Variants in LCLAT1 observed in about 807,000 individuals in gnomAD.
LCLAT1 encodes the protein 1-AGP acyltransferase 8.
A neutral mutation model predicts 30.7 loss-of-function variants in LCLAT1; 11 were observed. That is an observed-to-expected ratio of 0.36 (90% CI 0.23 to 0.59). The LOEUF (loss-of-function observed/expected upper bound fraction) is 0.59. Among genes scored for constraint, LCLAT1 ranks in the 20% least tolerant of loss-of-function variants. The pLI, the probability that LCLAT1 is intolerant of heterozygous loss-of-function variation, is 0.77. For missense variants in LCLAT1, 402 were observed against 458.6 expected (o/e 0.88, Z 1.13); for synonymous variants, 155 against 151.3 (o/e 1.02, Z -0.18).
At chr2:30,449,581 G>A (rs111759514) in intron 1 of LCLAT1, among the ~76,000 whole-genome samples, 79 of 151,170 alleles carry the variant, frequency 5.2e-4, no homozygotes, top group African/African-American at 1.1e-3. Flanking sequence ...GCTCACCACA[G>A]CCTCTGCCTC....
chr2:30,626,500 A>G (rs982857697), intron 5 of LCLAT1, among the ~76,000 whole-genome samples: 3 of 152,106 alleles, frequency 2.0e-5, no homozygotes, highest in African/African-American at 4.8e-5. Context: ...GCTCTTCTGT[A>G]TTTATGATTT....
chr2:30,528,347 A>T (rs2148388822), intron 2 of LCLAT1, among the ~76,000 whole-genome samples: 1 of 152,366 alleles, frequency 6.6e-6, no homozygotes, highest in Admixed American at 6.5e-5. Flanking sequence ...TGCTAGTAGC[A>T]TTACTATTAC....
chr2:30,533,585 T>G (rs1002976559), intron 3 of LCLAT1, among the ~76,000 whole-genome samples: 5 of 152,240 alleles, frequency 3.3e-5, no homozygotes, highest in Admixed American at 6.5e-5. Context: ...GGATATGAAT[T>G]AATAGTTTAG....
At chr2:30,560,284 G>GTGTA (rs1491339077) in intron 3 of LCLAT1, among the ~76,000 whole-genome samples, 1 of 5,008 alleles carries the variant, frequency 2.0e-4, no homozygotes, top group Non-Finnish European at 3.6e-4. Flanking sequence ...ATAAAGTGTG[G>GTGTA]TGTGTGTGTG....
At chr2:30,554,819 G>C (rs1255767474) in intron 3 of LCLAT1, among the ~76,000 whole-genome samples, 1 of 152,018 alleles carries the variant, frequency 6.6e-6, no homozygotes. Flanking sequence ...TCAAGCCAAG[G>C]GATTATCCTT....
At chr2:30,566,831 G>A (rs1665506918) in intron 4 of LCLAT1, among the ~76,000 whole-genome samples, 1 of 152,182 alleles carries the variant, frequency 6.6e-6, no homozygotes, top group Non-Finnish European at 1.5e-5. Context: ...GTTACCTCAT[G>A]GAATGGAAAA....
intron 5 of LCLAT1, among the ~76,000 whole-genome samples, chr2:30,600,594 C>T (rs1464618364): frequency 6.9e-6 from 1 of 143,980 alleles, no homozygotes; most frequent in Non-Finnish European, 1.5e-5. Context: ...AAATTCTTTT[C>T]TTTAAGAATG....
At chr2:30,510,945 A>G (rs543224693) in intron 1 of LCLAT1, among the ~76,000 whole-genome samples, 1 of 152,098 alleles carries the variant, frequency 6.6e-6, no homozygotes, top group Admixed American at 6.5e-5. Context: ...TCCTGATTGC[A>G]GTATTTATTG....
rs150712454 is a variant in LCLAT1, at chr2:30,555,575, A to G, written c.365-6571A>G. Among the ~76,000 whole-genome samples the G allele has an allele frequency of 4.7e-4, 71 of 152,270 alleles. No homozygotes were observed. The East Asian group carries it at 0.011, about 24-fold the overall frequency. On this transcript the variant is annotated intron_variant, in intron 3 of 5. Coordinates refer to ENST00000379509, the MANE Select transcript of LCLAT1 (RefSeq NM_001002257.3). ...CTTATAAGAAAGGCAAGAGGAAAGC[A>G]TATCCTTTTTAATACTATTACTATG...
intron 5 of LCLAT1, among the ~76,000 whole-genome samples, chr2:30,621,171 T>C (rs534720167): frequency 2.0e-5 from 3 of 152,292 alleles, no homozygotes; most frequent in South Asian, 2.1e-4. Flanking sequence ...TGCTTAAATT[T>C]TAGGATCAGT....
intron 1 of LCLAT1, among the ~76,000 whole-genome samples, chr2:30,451,238 C>T (rs993418504): frequency 5.3e-5 from 8 of 152,104 alleles, no homozygotes; most frequent in African/African-American, 1.9e-4. Flanking sequence ...GGGTGTAGAC[C>T]AACTGGATCT....
In LCLAT1 at chr2:30,566,962, G is replaced by C. The variant is rs558449375; in HGVS notation, c.512-1098G>C. On this transcript the variant is annotated intron_variant, in intron 4 of 5. Transcript: ENST00000379509. ...TGCCCATTTTGTTATGGAGCGGTTT[G>C]GGTTAGTAATATTAACATACTCTGT... Among the ~76,000 whole-genome samples, 4 of 152,206 alleles carry C rather than the reference G, an allele frequency of 2.6e-5. No individual in the cohort carries two copies. The East Asian group carries it at 7.7e-4, about 29-fold the overall frequency.
At chr2:30,534,603 C>G (rs1271735430) in intron 3 of LCLAT1, among the ~76,000 whole-genome samples, 2 of 152,126 alleles carry the variant, frequency 1.3e-5, no homozygotes, top group Non-Finnish European at 2.9e-5. Context: ...TGCCTTTGTA[C>G]TTATATCTTT....
chr2:30,577,703 G>A (rs1410441307), intron 5 of LCLAT1, among the ~76,000 whole-genome samples: 1 of 152,074 alleles, frequency 6.6e-6, no homozygotes, highest in Non-Finnish European at 1.5e-5. Flanking sequence ...TCTACAATGT[G>A]TTGCATCTTT....
chr2:30,463,454 A>G (rs184034285), intron 1 of LCLAT1, among the ~76,000 whole-genome samples: 1 of 152,226 alleles, frequency 6.6e-6, no homozygotes, highest in Admixed American at 6.5e-5. Context: ...GGTCATGTCT[A>G]CCTTTCTGAA....
intron 1 of LCLAT1, among the ~76,000 whole-genome samples, chr2:30,486,233 A>G (rs1344612643): frequency 6.6e-6 from 1 of 152,186 alleles, no homozygotes; most frequent in African/African-American, 2.4e-5. Context: ...GACAGCCTTA[A>G]CTGACCTGTT....
At chr2:30,535,249 A>G (rs1269125196) in intron 3 of LCLAT1, among the ~76,000 whole-genome samples, 1 of 152,220 alleles carries the variant, frequency 6.6e-6, no homozygotes, top group Non-Finnish European at 1.5e-5. Context: ...AAATAATGCC[A>G]TAAGTGTTCA....
chr2:30,629,026 A>T (rs1256795718), intron 5 of LCLAT1, among the ~76,000 whole-genome samples: 2 of 152,024 alleles, frequency 1.3e-5, no homozygotes, highest in Non-Finnish European at 2.9e-5. Flanking sequence ...CAAATTGACT[A>T]GATAGAGACA....
intron 1 of LCLAT1, among the ~76,000 whole-genome samples, chr2:30,523,118 C>T (rs1685552685): frequency 6.7e-6 from 1 of 150,018 alleles, no homozygotes; most frequent in Non-Finnish European, 1.5e-5. Flanking sequence ...ACAGAGCTAG[C>T]TAATCACTAA....
Sources: allele counts gnomAD v4.1 joint callset (sites outside exome capture counted in the v4.1 genomes callset), GRCh38; gene constraint gnomAD v4.1.1; transcripts MANE v1.5; gene names NCBI Gene and HGNC (gene_info 2026-07-23, HGNC 2026-07-21).